KIRREL3: variants seen among roughly 807,000 people sequenced by gnomAD.
KIRREL3 encodes kin of IRRE-like protein 3.
KIRREL3 carries 36 observed loss-of-function variants against 89.7 expected under a neutral mutation model. The observed-to-expected ratio is 0.40, with a 90% confidence interval of 0.31 to 0.53. KIRREL3 has a LOEUF of 0.53. Ranked by LOEUF, KIRREL3 falls within the 20% of genes least tolerant of loss-of-function variation. KIRREL3 has a pLI of 0.49. For synonymous variants in KIRREL3, 445 were observed against 441.4 expected (o/e 1.01, Z -0.10); for missense variants, 864 against 1,056.6 (o/e 0.82, Z 2.53).
intron 1 of KIRREL3, among the ~76,000 whole-genome samples, chr11:126,822,424 C>T (rs1327128649): frequency 6.6e-6 from 1 of 152,190 alleles, no homozygotes; most frequent in Non-Finnish European, 1.5e-5. Flanking sequence ...AATGTAGGCA[C>T]ATATCACAAA....
chr11:126,457,339 G>A (rs1474403555), intron 6 of KIRREL3, among the ~76,000 whole-genome samples: 1 of 134,854 alleles, frequency 7.4e-6, no homozygotes, highest in Non-Finnish European at 1.6e-5. Flanking sequence ...ATGTGTATAT[G>A]TGTGTGTGTA....
intron 1 of KIRREL3, among the ~76,000 whole-genome samples, chr11:126,850,410 G>T (rs565663021): frequency 6.6e-6 from 1 of 152,166 alleles, no homozygotes; most frequent in East Asian, 1.9e-4. Flanking sequence ...TGAGCTGCTG[G>T]GTGGGCTCCC....
At chr11:126,591,118 T>C (rs764600862) in intron 1 of KIRREL3, among the ~76,000 whole-genome samples, 5 of 152,078 alleles carry the variant, frequency 3.3e-5, no homozygotes, top group Admixed American at 2.6e-4. Flanking sequence ...CCCAGCTCCT[T>C]GGGAGTCTGA....
At position 126,463,158 on chromosome 11, in the gene KIRREL3, C is replaced by A; in HGVS notation, c.741G>T (p.Gln247His). Reference protein sequence around the residue: ...GKETSVTIDIQHPPLVNLSVE... With the variant: ...GKETSVTIDIHHPPLVNLSVE... ...TTGGGGGAGGGGGTGGGTACTCACG[C>A]TGGATGTCAATGGTGACCGACGTCT... The change falls in exon 6 of 17, where the codon CAG becomes CAT. Residue 247 changes from glutamine to histidine, a missense_variant and splice_region_variant. Transcript: ENST00000525144. The surrounding 1 kb of genome is among the most constrained non-coding windows in gnomAD (Gnocchi z 5.9). 1 of 1,612,748 alleles carries A rather than the reference C, an allele frequency of 6.2e-7. No individual in the cohort carries two copies. Among genetic ancestry groups the A allele is most frequent in the Non-Finnish European group, 8.5e-7 (1 of 1,179,618 alleles).
At chr11:126,436,671 G>A (rs921607750) in intron 12 of KIRREL3, 140 bp downstream of exon 12, 1 of 879,254 alleles carries the variant, frequency 1.1e-6, no homozygotes, top group Non-Finnish European at 1.8e-6. Flanking sequence ...TGGCTAGGCT[G>A]TGTGGTCAGC....
In KIRREL3 at chr11:126,981,660, G is replaced by A. The variant is rs1949722585; in HGVS notation, c.55+18795C>T. Among the ~76,000 whole-genome samples, 2 of 152,202 alleles carry A rather than the reference G, an allele frequency of 1.3e-5. No individual in the cohort carries two copies. Among genetic ancestry groups the A allele is most frequent in the South Asian group, 2.1e-4 (1 of 4,828 alleles). ...CATTTGGGTGTCGGAGGAGGTCTCA[G>A]CCACACATGCTCAGGGGGCTTTTAT... On this transcript the variant is annotated intron_variant, in intron 1 of 16. Coordinates refer to ENST00000525144, the MANE Select transcript of KIRREL3 (RefSeq NM_032531.4). This position sits in a 1 kb window ranked among gnomAD's most constrained non-coding sequence, Gnocchi z 4.2.
chr11:126,725,454 A>T (rs1013176504), intron 1 of KIRREL3, among the ~76,000 whole-genome samples: 4 of 152,200 alleles, frequency 2.6e-5, no homozygotes, highest in Non-Finnish European at 5.9e-5. Context: ...CCGCATGGGC[A>T]TTTCTTTCTT....
intron 1 of KIRREL3, among the ~76,000 whole-genome samples, chr11:126,582,137 T>C (rs537172): frequency 0.29 from 43,741 of 152,082 alleles, 6,440 homozygotes; most frequent in Admixed American, 0.36. Context: ...CCTCTGGCCT[T>C]ACTGGGTGAT....
At chr11:126,433,518 C>A (rs2134155601) in intron 13 of KIRREL3, among the ~76,000 whole-genome samples, 1 of 152,210 alleles carries the variant, frequency 6.6e-6, no homozygotes, top group East Asian at 1.9e-4. Context: ...GGTTACCTAC[C>A]AATTAGTGGC....
rs1948752631 is a variant in KIRREL3 at position 126,734,957 on chromosome 11, G to C, written c.56-172045C>G. On this transcript the variant is annotated intron_variant, in intron 1 of 16. Transcript: ENST00000525144. The surrounding 1 kb of genome is among the most constrained non-coding windows in gnomAD (Gnocchi z 5.9). ...CCAGCTGTGCCTGGCTCCGACCAAG[G>C]GCAGGGTCAATGTGCACTGCCTGCA... Among the ~76,000 whole-genome samples the C allele has an allele frequency of 6.6e-6, 1 of 152,184 alleles. No individual in the cohort carries two copies. The highest frequency in any genetic ancestry group is 1.5e-5 in the Non-Finnish European group (1 of 68,042).
chr11:126,451,335 T>TGTGTGCATGTGAGC (rs1555109142), intron 7 of KIRREL3, among the ~76,000 whole-genome samples: 2 of 141,088 alleles, frequency 1.4e-5, no homozygotes, highest in African/African-American at 5.5e-5. Flanking sequence ...CATTAGTGAG[T>TGTGTGCATGTGAGC]GTGTGCATGT....
chr11:126,533,150 C>T (rs919360108), intron 2 of KIRREL3, among the ~76,000 whole-genome samples: 1 of 152,070 alleles, frequency 6.6e-6, no homozygotes, highest in Non-Finnish European at 1.5e-5. Flanking sequence ...ATAATAAAAG[C>T]TTTACCTGGA....
At chr11:126,731,831 A>G (rs1014112329) in intron 1 of KIRREL3, among the ~76,000 whole-genome samples, 5 of 152,260 alleles carry the variant, frequency 3.3e-5, no homozygotes, top group Non-Finnish European at 7.3e-5. Flanking sequence ...CTGAAAGACA[A>G]AAGCTTGGCC....
In KIRREL3 at chr11:126,734,561, G is replaced by T. The variant is rs990853698; in HGVS notation, c.56-171649C>A. 6.6e-6 allele frequency among the ~76,000 whole-genome samples: 1 copy of T among 152,140 alleles called. No homozygotes were observed. The highest frequency in any genetic ancestry group is 1.5e-5 in the Non-Finnish European group (1 of 68,044). ...GCCTGTAATCCCAGCTACTTGGGAG[G>T]CTGAGACAAGAGAATCACTTGAACC... On this transcript the variant is annotated intron_variant, in intron 1 of 16. Coordinates refer to ENST00000525144, the MANE Select transcript of KIRREL3 (RefSeq NM_032531.4). The surrounding 1 kb of genome is among the most constrained non-coding windows in gnomAD (Gnocchi z 5.9).
chr11:126,974,238 C>T (rs918310565), intron 1 of KIRREL3, among the ~76,000 whole-genome samples: 2 of 152,172 alleles, frequency 1.3e-5, no homozygotes, highest in Middle Eastern at 3.2e-3. Flanking sequence ...CACCATCTTT[C>T]CTTTCCTATC....
Position 126,528,609 on chromosome 11 carries a change from G to C in KIRREL3, c.134-1922C>G, listed in dbSNP as rs1288927511. On this transcript the variant is annotated intron_variant, in intron 2 of 16. Coordinates refer to ENST00000525144, the MANE Select transcript of KIRREL3 (RefSeq NM_032531.4). This position sits in a 1 kb window ranked among gnomAD's most constrained non-coding sequence, Gnocchi z 4.6. ...GAGCTTTACAAATTAGATTTCATAG[G>C]ACATTTTAATCAGCTATGTATGGTA... 6.6e-6 allele frequency among the ~76,000 whole-genome samples: 1 copy of C among 152,016 alleles called. No homozygotes were observed. The highest frequency in any genetic ancestry group is 2.4e-5 in the African/African-American group (1 of 41,382).
At chr11:126,478,455 G>A (rs1340339402) in intron 4 of KIRREL3, among the ~76,000 whole-genome samples, 1 of 152,160 alleles carries the variant, frequency 6.6e-6, no homozygotes, top group Admixed American at 6.5e-5. Context: ...GGATGGGGCC[G>A]GGGGGACGGT....
In KIRREL3 at chr11:126,780,646, A is replaced by G. The variant is rs1042788056; in HGVS notation, c.56-217734T>C. On this transcript the variant is annotated intron_variant, in intron 1 of 16. Transcript: ENST00000525144. The surrounding 1 kb of genome is among the most constrained non-coding windows in gnomAD (Gnocchi z 5.3). Reference sequence around the variant, plus strand: ...TACCCAGAGGTGCCCAGATGCCCACATCTGGCAACAGATCCATCTCCTTGA... The same window carrying G: ...TACCCAGAGGTGCCCAGATGCCCACGTCTGGCAACAGATCCATCTCCTTGA... Among the ~76,000 whole-genome samples the G allele has an allele frequency of 3.3e-5, 5 of 152,196 alleles. No individual in the cohort carries two copies. Among genetic ancestry groups the G allele is most frequent in the African/African-American group, 1.2e-4 (5 of 41,450 alleles).
rs142095844 is a variant in KIRREL3 at position 126,621,489 on chromosome 11, T to A, written c.56-58577A>T. The stretch of plus-strand genomic sequence containing the variant: ...GATAGCCTAATGGTAAGTGATATCT[T>A]AAAAGCGTGTGAGAGGCTTAAAAAG... On this transcript the variant is annotated intron_variant, in intron 1 of 16. Coordinates refer to ENST00000525144, the MANE Select transcript of KIRREL3 (RefSeq NM_032531.4). Among the ~76,000 whole-genome samples the A allele has an allele frequency of 1.1e-3, 170 of 152,336 alleles. 2 individuals are homozygous for A. The East Asian group carries it at 0.03, about 27-fold the overall frequency.
Sources: gnomAD v4.1 joint callset for allele counts (sites outside exome capture counted in the v4.1 genomes callset) on GRCh38, gnomAD v4.1.1 for gene constraint, Gnocchi (gnomAD v3.1) non-coding constraint, MANE v1.5 for transcripts, NCBI Gene and HGNC (gene_info 2026-07-23, HGNC 2026-07-21) for gene names.